The following IGSF21 variants were observed in gnomAD, a reference collection of about 807,000 sequenced individuals.
The protein encoded by IGSF21 is immunoglobin superfamily member 21, also known as immunoglobulin superfamily member 21.
In IGSF21, 28 loss-of-function variants were observed where a neutral mutation model predicts 46.8. The ratio of observed to expected loss-of-function variants is 0.60; its 90% CI spans 0.44 to 0.82. The LOEUF (loss-of-function observed/expected upper bound fraction) is 0.82. IGSF21 is among the 40% of genes least tolerant of loss of function. The pLI is 0.00. For synonymous variants in IGSF21, 284 were observed against 273.6 expected (o/e 1.04, Z -0.38); for missense variants, 624 against 665.5 (o/e 0.94, Z 0.69).
intron 2 of IGSF21, among the ~76,000 whole-genome samples, chr1:18,283,065 C>T (rs1046923562): frequency 1.3e-5 from 2 of 152,216 alleles, no homozygotes; most frequent in Non-Finnish European, 2.9e-5. Flanking sequence ...CACCTCCTCA[C>T]ACTTGCAGGA....
intron 3 of IGSF21, among the ~76,000 whole-genome samples, chr1:18,293,471 C>T (rs2085286157): frequency 6.6e-6 from 1 of 152,166 alleles, no homozygotes; most frequent in Admixed American, 6.5e-5. Flanking sequence ...GGCTCTGTGC[C>T]AGGACCATGC....
intron 2 of IGSF21, among the ~76,000 whole-genome samples, chr1:18,273,415 T>TTTCCTTTCCTTTCCTTTCCTTTCC (rs2085064782): frequency 1.2e-5 from 1 of 84,968 alleles, no homozygotes; most frequent in African/African-American, 4.6e-5. Context: ...CTTTCCTTTC[T>TTTCCTTTCCTTTCCTTTCCTTTCC]TTTCCTTTCC....
chr1:18,157,982 A>C (rs1282617657), intron 1 of IGSF21, among the ~76,000 whole-genome samples: 1 of 152,182 alleles, frequency 6.6e-6, no homozygotes, highest in East Asian at 1.9e-4. Flanking sequence ...CTCGAAAGGT[A>C]GAACGTGCAT....
At chr1:18,176,716 G>C (rs74798248) in intron 1 of IGSF21, among the ~76,000 whole-genome samples, 2 of 152,246 alleles carry the variant, frequency 1.3e-5, no homozygotes, top group East Asian at 1.9e-4. Context: ...GAGGAGTTCC[G>C]GGGTCTCCAC....
At chr1:18,349,126 C>A (rs2085924525) in intron 4 of IGSF21, among the ~76,000 whole-genome samples, 1 of 152,124 alleles carries the variant, frequency 6.6e-6, no homozygotes, top group South Asian at 2.1e-4. Flanking sequence ...CTTGTTATTC[C>A]CATTTTTACA....
intron 2 of IGSF21, among the ~76,000 whole-genome samples, chr1:18,288,322 G>C (rs1294340567): frequency 6.6e-6 from 1 of 152,140 alleles, no homozygotes; most frequent in Non-Finnish European, 1.5e-5. Context: ...GGGGATTCTT[G>C]GCTCCTTCAG....
At chr1:18,237,360 G>C (rs148909535) in intron 2 of IGSF21, among the ~76,000 whole-genome samples, 1 of 152,128 alleles carries the variant, frequency 6.6e-6, no homozygotes, top group Non-Finnish European at 1.5e-5. Flanking sequence ...CACTCCCCTC[G>C]AGGGGAGCGC....
rs942684984 is a variant in IGSF21 at position 18,322,752 on chromosome 1, G to A, written c.306-12140G>A. 3.9e-5 allele frequency among the ~76,000 whole-genome samples: 6 copies of A among 152,030 alleles called. No individual in the cohort carries two copies. Among genetic ancestry groups the A allele is most frequent in the Non-Finnish European group, 7.4e-5 (5 of 68,004 alleles). ...ACCCAGAGCCTGAGTCCAACAGGCT[G>A]ACCAGTGAGGGGCTAAGTGGATCAG... On this transcript the variant is annotated intron_variant, in intron 3 of 9. Transcript: ENST00000251296. The surrounding 1 kb of genome is among the most constrained non-coding windows in gnomAD (Gnocchi z 4.3).
chr1:18,193,350 G>C (rs1557581306), intron 1 of IGSF21, among the ~76,000 whole-genome samples: 1 of 152,114 alleles, frequency 6.6e-6, no homozygotes, highest in African/African-American at 2.4e-5. Flanking sequence ...GAGAACCATG[G>C]GAATCTGTAT....
chr1:18,248,997 C>A (rs2084811031), intron 2 of IGSF21, among the ~76,000 whole-genome samples: 1 of 152,046 alleles, frequency 6.6e-6, no homozygotes, highest in African/African-American at 2.4e-5. Flanking sequence ...TAGCTGGGAG[C>A]CTGCGCAGGC....
chr1:18,256,184 A>G (rs540218894), intron 2 of IGSF21, among the ~76,000 whole-genome samples: 2 of 152,076 alleles, frequency 1.3e-5, no homozygotes, highest in South Asian at 2.1e-4. Context: ...TGCCTGCTGT[A>G]TATGCCCTCC....
intron 3 of IGSF21, among the ~76,000 whole-genome samples, chr1:18,309,840 G>C (rs921695437): frequency 6.6e-6 from 1 of 152,170 alleles, no homozygotes; most frequent in African/African-American, 2.4e-5. Context: ...GATTAGGAGA[G>C]GCTAGCAGGG....
intron 4 of IGSF21, among the ~76,000 whole-genome samples, chr1:18,353,866 C>G (rs1245189850): frequency 1.3e-5 from 2 of 152,342 alleles, no homozygotes; most frequent in East Asian, 3.9e-4. Flanking sequence ...GTCTACAGCA[C>G]TGCAGGGTCT....
At chr1:18,372,583 TG>T (rs1382385973) in intron 6 of IGSF21, among the ~76,000 whole-genome samples, 1 of 149,822 alleles carries the variant, frequency 6.7e-6, no homozygotes, top group African/African-American at 2.5e-5. Context: ...GATATTTGGA[TG>T]GATGTTTGGA....
At chr1:18,299,218 A>T (rs1334240391) in intron 3 of IGSF21, among the ~76,000 whole-genome samples, 1 of 152,232 alleles carries the variant, frequency 6.6e-6, no homozygotes, top group East Asian at 1.9e-4. Context: ...TAGTGGCAAG[A>T]CCACTCTATG....
intron 1 of IGSF21, among the ~76,000 whole-genome samples, chr1:18,129,372 C>A (rs953391498): frequency 3.9e-5 from 6 of 152,084 alleles, no homozygotes; most frequent in African/African-American, 7.2e-5. Context: ...AGAGGGGGAC[C>A]CTTCCAGTCT....
At chr1:18,369,971 C>G (rs1426565047) in intron 6 of IGSF21, among the ~76,000 whole-genome samples, 1 of 152,124 alleles carries the variant, frequency 6.6e-6, no homozygotes, top group Non-Finnish European at 1.5e-5. Context: ...AAACCAGAAG[C>G]CTTGCAGACC....
intron 3 of IGSF21, among the ~76,000 whole-genome samples, chr1:18,295,095 G>T (rs2085300192): frequency 6.6e-6 from 1 of 152,146 alleles, no homozygotes; most frequent in Non-Finnish European, 1.5e-5. Context: ...AAGGACTCCT[G>T]GAGCTTTTTG....
chr1:18,367,445 G>A (rs755517919), intron 6 of IGSF21, among the ~76,000 whole-genome samples: 7 of 151,868 alleles, frequency 4.6e-5, no homozygotes, highest in South Asian at 2.1e-4. Context: ...TGTATGTAGC[G>A]GCGTTGAAAT....
Sources: allele counts gnomAD v4.1 joint callset (sites outside exome capture counted in the v4.1 genomes callset), GRCh38; gene constraint gnomAD v4.1.1; non-coding constraint Gnocchi (gnomAD v3.1); transcripts MANE v1.5; gene names NCBI Gene and HGNC (gene_info 2026-07-23, HGNC 2026-07-21).